Variants in HDAC9 observed in about 807,000 individuals in gnomAD.
The protein encoded by HDAC9 is histone deacetylase 9.
Under a neutral mutation model 139.4 loss-of-function variants are expected in HDAC9, and 41 were observed. That is an observed-to-expected ratio of 0.29 (90% CI 0.23 to 0.38). HDAC9 has a LOEUF of 0.38. Among genes scored for constraint, HDAC9 ranks in the 10% least tolerant of loss-of-function variants. HDAC9 has a pLI of 1.00. For missense variants in HDAC9, 1,147 were observed against 1,297.0 expected (o/e 0.88, Z 1.78); for synonymous variants, 517 against 476.2 (o/e 1.09, Z -1.12).
chr7:18,216,306 T>A (rs1404330302), intron 2 of HDAC9, among the ~76,000 whole-genome samples: 1 of 152,182 alleles, frequency 6.6e-6, no homozygotes, highest in African/African-American at 2.4e-5. Context: ...TTCACTGAAA[T>A]CTCTTATTTT....
At chr7:18,490,309 C>T (rs1409719464) in intron 1 of HDAC9, among the ~76,000 whole-genome samples, 2 of 151,880 alleles carry the variant, frequency 1.3e-5, no homozygotes, top group Non-Finnish European at 2.9e-5. Context: ...TAGCAAGTTC[C>T]CAGGTGATTT....
At chr7:18,891,643 T>G (rs891095555) in intron 22 of HDAC9, among the ~76,000 whole-genome samples, 9 of 152,208 alleles carry the variant, frequency 5.9e-5, no homozygotes, top group Non-Finnish European at 1.3e-4. Flanking sequence ...CCCTAGCTCC[T>G]TGTGTGACTG....
intron 25 of HDAC9, among the ~76,000 whole-genome samples, chr7:18,994,956 T>G (rs10227612): frequency 0.35 from 52,502 of 152,026 alleles, 9,589 homozygotes; most frequent in African/African-American, 0.43. Flanking sequence ...TCCAAATATT[T>G]TTTCCTTCTG....
rs955282816 is a variant in HDAC9, at chr7:18,905,300, G to A, written c.2804-30509G>A. On this transcript the variant is annotated intron_variant, in intron 22 of 25. Coordinates refer to ENST00000686413, the MANE Select transcript of HDAC9 (RefSeq NM_178425.4). Reference sequence around the variant, plus strand: ...TGGCCTTGCCATATATCTCTTACCAGCCTGCAGGCACTTGAAGGTTTAATA... The same window carrying A: ...TGGCCTTGCCATATATCTCTTACCAACCTGCAGGCACTTGAAGGTTTAATA... Among the ~76,000 whole-genome samples, 4 of 152,188 alleles carry A rather than the reference G, an allele frequency of 2.6e-5. No homozygotes were observed. The East Asian group carries it at 7.7e-4, about 29-fold the overall frequency.
At chr7:18,932,848 AAAAG>A (rs71017014) in intron 22 of HDAC9, among the ~76,000 whole-genome samples, 14,236 of 138,240 alleles carry the variant, frequency 0.1, 851 homozygotes, top group African/African-American at 0.18. Flanking sequence ...AGGAAGGAAA[AAAAG>A]AAAGAAAGAA....
intron 1 of HDAC9, among the ~76,000 whole-genome samples, chr7:18,485,127 A>T (rs1248912235): frequency 6.6e-6 from 1 of 152,152 alleles, no homozygotes; most frequent in African/African-American, 2.4e-5. Flanking sequence ...GGGGGAACAC[A>T]TTGTTTACTG....
At chr7:18,289,768 A>G (rs1317092548), upstream of HDAC9, among the ~76,000 whole-genome samples, 7 of 152,136 alleles carry the variant, frequency 4.6e-5, no homozygotes, top group East Asian at 1.3e-3. Flanking sequence ...ATTTTATTTC[A>G]TTAAAATCGG....
intron 21 of HDAC9, among the ~76,000 whole-genome samples, chr7:18,854,435 G>A (rs1031979296): frequency 2.6e-5 from 4 of 152,114 alleles, no homozygotes; most frequent in African/African-American, 4.8e-5. Flanking sequence ...GATCATGATT[G>A]TAATGACGTT....
upstream of HDAC9, chr7:18,495,698 G>A (rs1049927138): frequency 6.2e-6 from 6 of 973,618 alleles, no homozygotes; most frequent in Admixed American, 6.1e-5. Flanking sequence ...ATATGCAAAT[G>A]GATTATCACT....
intron 1 of HDAC9, among the ~76,000 whole-genome samples, chr7:18,410,217 T>A (rs573151662): frequency 1.3e-5 from 2 of 152,270 alleles, no homozygotes; most frequent in Admixed American, 1.3e-4. Flanking sequence ...TGGTTTAACC[T>A]ATGGTCAGGG....
intron 2 of HDAC9, among the ~76,000 whole-genome samples, chr7:18,207,272 C>G (rs111796129): frequency 0.019 from 2,960 of 151,912 alleles, 109 homozygotes; most frequent in African/African-American, 0.067. Flanking sequence ...ACATGTTCAA[C>G]TTAATAATAA....
chr7:18,569,974 G>A (rs1023335174), intron 2 of HDAC9, among the ~76,000 whole-genome samples: 2 of 152,092 alleles, frequency 1.3e-5, no homozygotes, highest in Non-Finnish European at 2.9e-5. Flanking sequence ...CAATTAAAAA[G>A]TAATCTCAAA....
rs187603843 is a variant in HDAC9, at chr7:18,850,110, A to G, written c.2684+14113A>G. 4.6e-4 allele frequency among the ~76,000 whole-genome samples: 70 copies of G among 152,094 alleles called. No homozygotes were observed. In the East Asian group the frequency reaches 0.012, roughly 26 times the overall value. On this transcript the variant is annotated intron_variant, in intron 21 of 25. Coordinates refer to ENST00000686413, the MANE Select transcript of HDAC9 (RefSeq NM_178425.4). The stretch of plus-strand genomic sequence containing the variant: ...AAAAAAAAAAAAAAAAGAAAACACA[A>G]ATAAGCAAACACGAAGCATTATTTA...
chr7:18,235,632 A>C (rs1365577415), intron 2 of HDAC9, among the ~76,000 whole-genome samples: 1 of 152,250 alleles, frequency 6.6e-6, no homozygotes, highest in East Asian at 1.9e-4. Context: ...ATCATAACTT[A>C]ACTTTAATCC....
At chr7:18,371,688 C>G (rs1370383844) in intron 1 of HDAC9, among the ~76,000 whole-genome samples, 1 of 152,106 alleles carries the variant, frequency 6.6e-6, no homozygotes, top group East Asian at 1.9e-4. Flanking sequence ...TTTTCTCATA[C>G]CTTTTTAATA....
intron 11 of HDAC9, among the ~76,000 whole-genome samples, chr7:18,654,138 A>C (rs1790291107): frequency 6.6e-6 from 1 of 152,200 alleles, no homozygotes; most frequent in South Asian, 2.1e-4. Context: ...CCAAAAGTTT[A>C]CATTTTTTTA....
chr7:18,484,640 C>T (rs1475307604), intron 1 of HDAC9, among the ~76,000 whole-genome samples: 1 of 152,050 alleles, frequency 6.6e-6, no homozygotes, highest in African/African-American at 2.4e-5. Flanking sequence ...ATTTTAGTTT[C>T]GTTTAACTAG....
intron 17 of HDAC9, among the ~76,000 whole-genome samples, chr7:18,817,499 C>A (rs1038477254): frequency 1.3e-5 from 2 of 152,086 alleles, no homozygotes; most frequent in African/African-American, 4.8e-5. Flanking sequence ...ACATTTGGAT[C>A]TTTTTTCCAG....
chr7:18,825,199 T>A (rs144049499), intron 17 of HDAC9, among the ~76,000 whole-genome samples: 249 of 152,292 alleles, frequency 1.6e-3, no homozygotes, highest in African/African-American at 5.8e-3. Flanking sequence ...CTGTGAAGTG[T>A]ATGAGATGGG....
Sources: gnomAD v4.1 joint callset for allele counts (sites outside exome capture counted in the v4.1 genomes callset) on GRCh38, gnomAD v4.1.1 for gene constraint, MANE v1.5 for transcripts, NCBI Gene and HGNC (gene_info 2026-07-23, HGNC 2026-07-21) for gene names.